Variants in TIAM2 observed in about 807,000 individuals in gnomAD.
The protein encoded by TIAM2 is TIAM Rac1 associated GEF 2.
A neutral mutation model predicts 152.9 loss-of-function variants in TIAM2; 80 were observed. The observed-to-expected ratio is 0.52, with a 90% CI of 0.44 to 0.63. The LOEUF (loss-of-function observed/expected upper bound fraction) is 0.63, where lower values mean the gene tolerates loss of function less well. TIAM2 is among the 30% of genes least tolerant of loss of function. The probability of loss-of-function intolerance (pLI) is 0.00; values close to 1 mark genes in which losing one functional copy is unlikely to be tolerated. For missense variants in TIAM2, 1,965 were observed against 2,120.1 expected (o/e 0.93, Z 1.44); for synonymous variants, 804 against 838.0 (o/e 0.96, Z 0.70).
intron 2 of TIAM2, among the ~76,000 whole-genome samples, chr6:155,117,248 G>A (rs144805992): frequency 6.6e-6 from 1 of 150,392 alleles, no homozygotes; most frequent in East Asian, 2.0e-4. Context: ...GTTCAGAGAA[G>A]CTCCTTGATT....
At chr6:155,202,909 C>T (rs910931969) in intron 14 of TIAM2, among the ~76,000 whole-genome samples, 9 of 149,540 alleles carry the variant, frequency 6.0e-5, no homozygotes, top group South Asian at 4.2e-4. Flanking sequence ...AAAAATTAGC[C>T]GGATGTGGTG....
At chr6:155,247,893 A>T in intron 19 of TIAM2, 107 bp from the exon 20 acceptor site, 2 of 1,376,920 alleles carry the variant, frequency 1.5e-6, no homozygotes, top group South Asian at 2.8e-5. Context: ...AAAGAATGGC[A>T]TTAGGAGGAC....
chr6:155,254,374 G>T, intron 25 of TIAM2, 45 bp from the exon 26 acceptor site: 2 of 1,596,550 alleles, frequency 1.3e-6, no homozygotes, highest in South Asian at 2.2e-5. Context: ...GAAGCACGAT[G>T]AACACTGTGG....
intron 1 of TIAM2, among the ~76,000 whole-genome samples, chr6:155,021,416 C>T (rs893915541): frequency 1.3e-5 from 2 of 152,060 alleles, no homozygotes; most frequent in Admixed American, 6.6e-5. Context: ...CGCCTGCCAC[C>T]GTGCCCGGCT....
At chr6:155,096,749 A>T (rs113607894) in intron 2 of TIAM2, among the ~76,000 whole-genome samples, 1 of 152,108 alleles carries the variant, frequency 6.6e-6, no homozygotes, top group African/African-American at 2.4e-5. Flanking sequence ...TGACCCATTC[A>T]TCTCTTGATG....
chr6:155,142,379 G>C (rs546289796), intron 5 of TIAM2, among the ~76,000 whole-genome samples: 1 of 152,338 alleles, frequency 6.6e-6, no homozygotes, highest in South Asian at 2.1e-4. Flanking sequence ...GGGTTGTTAG[G>C]TTTGGTGACA....
chr6:155,051,784 A>G (rs1777324310), intron 1 of TIAM2, among the ~76,000 whole-genome samples: 1 of 152,052 alleles, frequency 6.6e-6, no homozygotes, highest in Non-Finnish European at 1.5e-5. Flanking sequence ...AGCTGGGATT[A>G]CAGGCGCACA....
chr6:155,127,455 G>A (rs187244976), intron 2 of TIAM2, 35 bp from the exon 3 acceptor site: 7 of 418,204 alleles, frequency 1.7e-5, no homozygotes, highest in South Asian at 5.2e-5. Flanking sequence ...GGAGTAAAAC[G>A]CTTCACAGAG....
At chr6:155,097,726 T>C (rs1454974734) in intron 2 of TIAM2, among the ~76,000 whole-genome samples, 1 of 152,236 alleles carries the variant, frequency 6.6e-6, no homozygotes, top group Non-Finnish European at 1.5e-5. Context: ...CAGAAAATCA[T>C]TGCCCAGACC....
At chr6:155,181,761 A>G (rs1780909241) in intron 12 of TIAM2, among the ~76,000 whole-genome samples, 1 of 152,196 alleles carries the variant, frequency 6.6e-6, no homozygotes. Context: ...ACTCACGTAA[A>G]TAGTATCATA....
chr6:155,159,430 C>A (rs540552937), intron 7 of TIAM2, among the ~76,000 whole-genome samples: 31 of 152,136 alleles, frequency 2.0e-4, no homozygotes, highest in African/African-American at 7.0e-4. Context: ...GGTCCCTGTC[C>A]CCTACATGTT....
chr6:155,047,698 AGAGAGAGC>A (rs1316116602), intron 1 of TIAM2, among the ~76,000 whole-genome samples: 4,084 of 41,350 alleles, frequency 0.099, 167 homozygotes, highest in Non-Finnish European at 0.12. Flanking sequence ...GGAGAGAGAG[AGAGAGAGC>A]GAGAGAGAGA....
intron 26 of TIAM2, chr6:155,254,932 C>T (rs1783905072): frequency 5.5e-6 from 1 of 180,568 alleles, no homozygotes; most frequent in Admixed American, 5.6e-5. Context: ...GATCAAGAAC[C>T]TTACACAGAG....
chr6:155,228,300 G>A (rs1782318326), intron 15 of TIAM2, among the ~76,000 whole-genome samples: 1 of 152,226 alleles, frequency 6.6e-6, no homozygotes, highest in Admixed American at 6.5e-5. Flanking sequence ...GCTCTAGTCT[G>A]TCAAGAATTT....
In TIAM2 at chr6:155,218,612, G is replaced by A. The variant is rs888334963; in HGVS notation, c.3168+7305G>A. 1.3e-5 allele frequency among the ~76,000 whole-genome samples: 2 copies of A among 152,210 alleles called. No individual in the cohort carries two copies. Among genetic ancestry groups the A allele is most frequent in the Non-Finnish European group, 2.9e-5 (2 of 68,032 alleles). On this transcript the variant is annotated intron_variant, in intron 15 of 26. Coordinates refer to ENST00000682666, the MANE Select transcript of TIAM2 (RefSeq NM_012454.4). This position sits in a 1 kb window ranked among gnomAD's most constrained non-coding sequence, Gnocchi z 4.5. ...CTAGGAGCACTGGAAGCAGGGGAGAGAGGATTAGGCTGTAAGCTGCCCCTT... is the reference window on the plus strand; with the variant it reads ...CTAGGAGCACTGGAAGCAGGGGAGAAAGGATTAGGCTGTAAGCTGCCCCTT...
At chr6:155,018,581 T>G (rs1328893367) in intron 1 of TIAM2, among the ~76,000 whole-genome samples, 1 of 150,386 alleles carries the variant, frequency 6.6e-6, no homozygotes, top group Non-Finnish European at 1.5e-5. Context: ...GTTGTGCCAC[T>G]GCACTGCAGC....
intron 1 of TIAM2, among the ~76,000 whole-genome samples, chr6:155,030,024 G>T (rs57461837): frequency 5.9e-5 from 9 of 151,852 alleles, no homozygotes; most frequent in African/African-American, 2.2e-4. Context: ...GAACCCTGGG[G>T]TCAAGCCATC....
chr6:155,011,356 G>A (rs1778486725), intron 1 of TIAM2, among the ~76,000 whole-genome samples: 1 of 152,120 alleles, frequency 6.6e-6, no homozygotes, highest in African/African-American at 2.4e-5. Flanking sequence ...CATAGCTGCT[G>A]CCTTCCATGA....
At chr6:155,236,682 G>A (rs1782777627) in intron 15 of TIAM2, among the ~76,000 whole-genome samples, 1 of 152,054 alleles carries the variant, frequency 6.6e-6, no homozygotes. Context: ...AAATAAAAGA[G>A]CAAGTCATAT....
Sources: gnomAD v4.1 joint callset for allele counts (sites outside exome capture counted in the v4.1 genomes callset) on GRCh38, gnomAD v4.1.1 for gene constraint, Gnocchi (gnomAD v3.1) non-coding constraint, MANE v1.5 for transcripts, NCBI Gene and HGNC (gene_info 2026-07-23, HGNC 2026-07-21) for gene names.